Variants in KCNT2 observed in about 807,000 individuals in gnomAD.
KCNT2 encodes potassium channel subfamily T member 2.
Under a neutral mutation model 153.8 loss-of-function variants are expected in KCNT2, and 67 were observed. The ratio of observed to expected loss-of-function variants is 0.44; its 90% CI spans 0.36 to 0.53. The LOEUF (loss-of-function observed/expected upper bound fraction) is 0.53. Among genes scored for constraint, KCNT2 ranks in the 20% least tolerant of loss-of-function variants. The probability of loss-of-function intolerance (pLI) is 0.00; values close to 1 mark genes in which losing one functional copy is unlikely to be tolerated. For missense variants in KCNT2, 975 were observed against 1,354.8 expected (o/e 0.72, Z 4.40); for synonymous variants, 500 against 458.8 (o/e 1.09, Z -1.15).
At chr1:196,234,941 G>A (rs1419173894) in intron 27 of KCNT2, among the ~76,000 whole-genome samples, 1 of 151,274 alleles carries the variant, frequency 6.6e-6, no homozygotes, top group Admixed American at 6.6e-5. Flanking sequence ...GACAGGTCGT[G>A]TATCTCAAGG....
intron 1 of KCNT2, among the ~76,000 whole-genome samples, chr1:196,598,777 A>T (rs1664379186): frequency 6.6e-6 from 1 of 152,234 alleles, no homozygotes; most frequent in Non-Finnish European, 1.5e-5. Flanking sequence ...TGGGAAAAAT[A>T]ACAGAATTTC....
At chr1:196,476,607 T>C (rs1330266888) in intron 5 of KCNT2, among the ~76,000 whole-genome samples, 1 of 152,136 alleles carries the variant, frequency 6.6e-6, no homozygotes, top group Non-Finnish European at 1.5e-5. Context: ...TAGCTCTAAT[T>C]TACTTATTGA....
rs563220945 is a variant in KCNT2, at chr1:196,535,953, C to T, written c.96-43612G>A. On this transcript the variant is annotated intron_variant, in intron 1 of 27. Coordinates refer to ENST00000294725, the MANE Select transcript of KCNT2 (RefSeq NM_198503.5). The stretch of plus-strand genomic sequence containing the variant: ...TGTGTCAGAAAGCCGCCTTGGCCTG[C>T]TCCTGACTAAAGTGAAACCATCTCC... Among the ~76,000 whole-genome samples, 5 of 152,328 alleles carry T rather than the reference C, an allele frequency of 3.3e-5. No individual in the cohort carries two copies. The South Asian group carries it at 1.0e-3, about 32-fold the overall frequency.
chr1:196,492,700 T>C (rs1185937514), intron 1 of KCNT2, among the ~76,000 whole-genome samples: 4 of 152,144 alleles, frequency 2.6e-5, no homozygotes, highest in Non-Finnish European at 5.9e-5. Flanking sequence ...TTGAAATGGG[T>C]TTGAATCAGT....
At chr1:196,421,763 T>C (rs557683545) in intron 12 of KCNT2, among the ~76,000 whole-genome samples, 47 of 152,098 alleles carry the variant, frequency 3.1e-4, no homozygotes, top group Non-Finnish European at 5.9e-4. Flanking sequence ...AATGTTATTG[T>C]CTCACAGTTC....
chr1:196,505,981 G>A (rs1013289244), intron 1 of KCNT2, among the ~76,000 whole-genome samples: 2 of 152,000 alleles, frequency 1.3e-5, no homozygotes, highest in East Asian at 1.9e-4. Flanking sequence ...AGGAGATTTT[G>A]GGCTGAGACA....
intron 27 of KCNT2, among the ~76,000 whole-genome samples, chr1:196,233,999 G>T (rs1365580192): frequency 1.3e-5 from 2 of 151,284 alleles, no homozygotes; most frequent in Non-Finnish European, 3.0e-5. Context: ...GCACAGTAGG[G>T]CAACTATGCT....
rs562476950 is a variant in KCNT2, at chr1:196,310,171, A to G, written c.2484-4826T>C. Among the ~76,000 whole-genome samples the G allele has an allele frequency of 1.2e-4, 18 of 151,982 alleles. No individual in the cohort carries two copies. In the South Asian group the frequency reaches 2.7e-3, roughly 23 times the overall value. On this transcript the variant is annotated intron_variant, in intron 21 of 27. Coordinates refer to ENST00000294725, the MANE Select transcript of KCNT2 (RefSeq NM_198503.5). ...ATGTTTATGACACATTATTCAAAAT[A>G]TTACCTACTGAGCTATATATTACAC...
intron 14 of KCNT2, among the ~76,000 whole-genome samples, chr1:196,351,535 G>T (rs1428958557): frequency 1.3e-5 from 2 of 151,998 alleles, no homozygotes; most frequent in African/African-American, 4.8e-5. Context: ...GAATGCTTGT[G>T]ATTTTTGTAC....
chr1:196,550,502 T>C (rs1301911991), intron 1 of KCNT2, among the ~76,000 whole-genome samples: 1 of 151,902 alleles, frequency 6.6e-6, no homozygotes, highest in Non-Finnish European at 1.5e-5. Flanking sequence ...TAATAAATGA[T>C]TATCACAATC....
At chr1:196,445,918 T>A (rs1358086883) in intron 8 of KCNT2, among the ~76,000 whole-genome samples, 1 of 150,244 alleles carries the variant, frequency 6.7e-6, no homozygotes, top group South Asian at 2.1e-4. Flanking sequence ...AAAAAAAAAA[T>A]TACTGCAAAT....
Position 196,267,270 on chromosome 1 carries a change from C to T in KCNT2, c.2911-8776G>A, listed in dbSNP as rs151018317. Reference sequence around the variant, plus strand: ...AAAGGAGCTCACAAGAAAGAATAGACCATTGTCTTATACAAACTGCAAGGC... The same window carrying T: ...AAAGGAGCTCACAAGAAAGAATAGATCATTGTCTTATACAAACTGCAAGGC... On this transcript the variant is annotated intron_variant, in intron 25 of 27. Transcript: ENST00000294725. Among the ~76,000 whole-genome samples, 1,364 of 152,268 alleles carry T rather than the reference C, an allele frequency of 9.0e-3. 12 individuals are homozygous for T. Among genetic ancestry groups the T allele is most frequent in the African/African-American group, 0.031 (1,299 of 41,564 alleles).
chr1:196,534,026 T>G (rs1191443905), intron 1 of KCNT2, among the ~76,000 whole-genome samples: 1 of 151,924 alleles, frequency 6.6e-6, no homozygotes, highest in Non-Finnish European at 1.5e-5. Flanking sequence ...TTGAAGATAA[T>G]GCATGATACC....
chr1:196,593,656 C>T (rs569750338), intron 1 of KCNT2, among the ~76,000 whole-genome samples: 34 of 151,758 alleles, frequency 2.2e-4, no homozygotes, highest in African/African-American at 8.2e-4. Flanking sequence ...ATCTCATGTA[C>T]CCCAAAAATA....
chr1:196,381,178 T>A (rs565463179), intron 13 of KCNT2, among the ~76,000 whole-genome samples: 45 of 152,146 alleles, frequency 3.0e-4, no homozygotes, highest in Non-Finnish European at 5.6e-4. Context: ...ACAATAAATA[T>A]AATCTTTTTT....
intron 1 of KCNT2, among the ~76,000 whole-genome samples, chr1:196,494,270 A>T (rs1422700418): frequency 2.0e-5 from 3 of 152,224 alleles, no homozygotes; most frequent in African/African-American, 4.8e-5. Context: ...TGAGAGGACA[A>T]TACGGCTATT....
intron 1 of KCNT2, among the ~76,000 whole-genome samples, chr1:196,549,704 A>C (rs1424624248): frequency 6.6e-6 from 1 of 151,976 alleles, no homozygotes; most frequent in East Asian, 1.9e-4. Flanking sequence ...CTTATAATGC[A>C]CACTAAATTT....
At position 196,376,034 on chromosome 1, in the gene KCNT2, T is replaced by G. The variant is rs185998401; in HGVS notation, c.1295-2786A>C. On this transcript the variant is annotated intron_variant, in intron 13 of 27. Transcript: ENST00000294725. ...TGTCCTCTTAGGTCCAAATCCATCC[T>G]TCCTCTTGGGACATTTTTTAGAACT... Among the ~76,000 whole-genome samples, 20 of 151,984 alleles carry G rather than the reference T, an allele frequency of 1.3e-4. No individual in the cohort carries two copies. In the East Asian group the frequency reaches 3.9e-3, roughly 29 times the overall value.
At chr1:196,558,662 G>C (rs774269134) in intron 1 of KCNT2, among the ~76,000 whole-genome samples, 1 of 151,444 alleles carries the variant, frequency 6.6e-6, no homozygotes. Context: ...ATAAGTTTAT[G>C]ACTCATCACT....
Sources: gnomAD v4.1 joint callset for allele counts (sites outside exome capture counted in the v4.1 genomes callset) on GRCh38, gnomAD v4.1.1 for gene constraint, MANE v1.5 for transcripts, NCBI Gene and HGNC (gene_info 2026-07-23, HGNC 2026-07-21) for gene names.